The following SQOR variants were observed in gnomAD, a reference collection of about 807,000 sequenced individuals.
SQOR encodes sulfide quinone oxidoreductase, also known as sulfide:quinone oxidoreductase, mitochondrial.
A neutral mutation model predicts 48.6 loss-of-function variants in SQOR; 39 were observed. The observed-to-expected ratio is 0.80, with a 90% CI of 0.62 to 1.05. The LOEUF (loss-of-function observed/expected upper bound fraction) is 1.05. SQOR is among the 50% of genes least tolerant of loss of function. SQOR has a pLI of 0.00. For synonymous variants in SQOR, 220 were observed against 206.2 expected (o/e 1.07, Z -0.57); for missense variants, 561 against 559.9 (o/e 1.00, Z -0.02).
At chr15:45,680,960 G>T (rs987451048) in intron 6 of SQOR, among the ~76,000 whole-genome samples, 5 of 151,998 alleles carry the variant, frequency 3.3e-5, no homozygotes, top group African/African-American at 1.2e-4. Context: ...TGTAATCCCA[G>T]CACTTTGGGA....
At chr15:45,634,243 A>G (rs1306863173), upstream of SQOR, among the ~76,000 whole-genome samples, 4 of 70,656 alleles carry the variant, frequency 5.7e-5, no homozygotes, top group East Asian at 1.8e-3. Flanking sequence ...TCATAAAACC[A>G]AATAAGTGTA....
chr15:45,675,786 A>C (rs1890025416), intron 5 of SQOR, among the ~76,000 whole-genome samples: 1 of 152,182 alleles, frequency 6.6e-6, no homozygotes, highest in African/African-American at 2.4e-5. Context: ...TTTATTGAGT[A>C]AATGAATACA....
At chr15:45,649,629 G>A (rs534334305) in intron 1 of SQOR, among the ~76,000 whole-genome samples, 5 of 151,808 alleles carry the variant, frequency 3.3e-5, no homozygotes, top group Non-Finnish European at 7.4e-5. Context: ...ACAGGCACCT[G>A]CCTCCATGCC....
chr15:45,635,233 C>T (rs560686838), intron 1 of SQOR, 125 bp downstream of exon 1: 2 of 152,482 alleles, frequency 1.3e-5, no homozygotes, highest in East Asian at 1.9e-4. Flanking sequence ...CTCCGCAGAC[C>T]CGGTGCGCCG....
chr15:45,644,613 A>G (rs1024117878), intron 1 of SQOR, among the ~76,000 whole-genome samples: 3 of 152,242 alleles, frequency 2.0e-5, no homozygotes, highest in Non-Finnish European at 2.9e-5. Flanking sequence ...CCCTAGAAAC[A>G]GGAGGCATAA....
At chr15:45,634,198 CTATATATATA>C (rs60889862), upstream of SQOR, among the ~76,000 whole-genome samples, 1,233 of 43,866 alleles carry the variant, frequency 0.028, 209 homozygotes, top group African/African-American at 0.083. Context: ...ACAACAACAA[CTATATATATA>C]TATATATATA....
intron 1 of SQOR, among the ~76,000 whole-genome samples, chr15:45,658,222 T>C (rs1889649767): frequency 1.3e-5 from 2 of 152,208 alleles, no homozygotes; most frequent in African/African-American, 4.8e-5. Context: ...GCTCCTTTTA[T>C]GGCTTTCTAA....
intron 1 of SQOR, among the ~76,000 whole-genome samples, chr15:45,648,745 C>G (rs1595571615): frequency 1.3e-5 from 2 of 152,236 alleles, no homozygotes; most frequent in Admixed American, 1.3e-4. Flanking sequence ...TCCAGACCAA[C>G]AGCTCACAGT....
At chr15:45,664,675 T>C (rs1456837603) in intron 3 of SQOR, among the ~76,000 whole-genome samples, 1 of 152,188 alleles carries the variant, frequency 6.6e-6, no homozygotes, top group Non-Finnish European at 1.5e-5. Flanking sequence ...CGGTGCTGAT[T>C]CATGCTGGGC....
chr15:45,646,934 C>A (rs547577090), intron 1 of SQOR, among the ~76,000 whole-genome samples: 16 of 152,248 alleles, frequency 1.1e-4, no homozygotes, highest in Non-Finnish European at 2.2e-4. Context: ...TATTATTGTA[C>A]CTTGCCCTTC....
chr15:45,655,973 C>T (rs896682076), intron 1 of SQOR, among the ~76,000 whole-genome samples: 4 of 151,530 alleles, frequency 2.6e-5, no homozygotes, highest in African/African-American at 4.8e-5. Flanking sequence ...GCGTGAGCCA[C>T]CGTGCCTGGC....
Position 45,682,733 on chromosome 15 carries a change from C to A in SQOR, c.1048+72C>A, listed in dbSNP as rs114303732. 1.7e-3 allele frequency: 2,663 copies of A among 1,547,694 alleles called. 40 individuals carry two copies. In the African/African-American group the frequency reaches 0.03, roughly 18 times the overall value. ...TCAAGGCATGATTGTAACAAAAACA[C>A]AAGCTTGGCATCGGCCAGAGACGGT... On this transcript the variant is annotated intron_variant, in intron 7 of 9. Transcript: ENST00000260324.
intron 3 of SQOR, among the ~76,000 whole-genome samples, chr15:45,664,268 G>T (rs932442580): frequency 3.9e-5 from 6 of 152,070 alleles, no homozygotes; most frequent in Admixed American, 2.0e-4. Flanking sequence ...TGGACACCCA[G>T]GATGTTATTG....
chr15:45,638,620 G>A (rs1037350863), intron 1 of SQOR, among the ~76,000 whole-genome samples: 1 of 151,892 alleles, frequency 6.6e-6, no homozygotes, highest in African/African-American at 2.4e-5. Context: ...ACTACTCAGG[G>A]GGCTGAGGCA....
chr15:45,664,446 C>T lies in SQOR; in HGVS notation c.405+2321C>T, dbSNP rs529293463. Among the ~76,000 whole-genome samples, 3 of 152,174 alleles carry T rather than the reference C, an allele frequency of 2.0e-5. No individual in the cohort carries two copies. The South Asian group carries it at 6.2e-4, about 32-fold the overall frequency. ...CTCTAGGTATATGTGTCCCCCCCAT[C>T]CTCATGTCCCTCAATTCTTCCTCAC... On this transcript the variant is annotated intron_variant, in intron 3 of 9. Coordinates refer to ENST00000260324, the MANE Select transcript of SQOR (RefSeq NM_021199.4).
intron 1 of SQOR, among the ~76,000 whole-genome samples, chr15:45,648,366 CG>C (rs1889388477): frequency 6.6e-6 from 1 of 151,920 alleles, no homozygotes; most frequent in African/African-American, 2.4e-5. Context: ...TTAGGAGAGA[CG>C]GGGTTTCACC....
chr15:45,682,776 C>T, intron 7 of SQOR, 115 bp downstream of exon 7: 1 of 1,266,672 alleles, frequency 7.9e-7, no homozygotes, highest in East Asian at 2.4e-5. Flanking sequence ...GCCTGTAATC[C>T]CAGCACTTTG....
chr15:45,658,182 A>G (rs1889647677), intron 1 of SQOR, among the ~76,000 whole-genome samples: 2 of 152,250 alleles, frequency 1.3e-5, no homozygotes, highest in African/African-American at 4.8e-5. Flanking sequence ...GATTCCTTCC[A>G]TAAAATATAA....
chr15:45,661,572 C>A (rs1889721665), intron 2 of SQOR, among the ~76,000 whole-genome samples: 1 of 152,138 alleles, frequency 6.6e-6, no homozygotes, highest in South Asian at 2.1e-4. Context: ...CCTGAGGAAC[C>A]ATATCTAGGC....
Sources: gnomAD v4.1 joint callset for allele counts (sites outside exome capture counted in the v4.1 genomes callset) on GRCh38, gnomAD v4.1.1 for gene constraint, MANE v1.5 for transcripts, NCBI Gene and HGNC (gene_info 2026-07-23, HGNC 2026-07-21) for gene names.